The following MUC17 variants were observed in gnomAD, a reference collection of about 807,000 sequenced individuals.
MUC17 encodes mucin-17.
Under a neutral mutation model 170.3 loss-of-function variants are expected in MUC17, and 190 were observed. The observed-to-expected ratio is 1.12, with a 90% CI of 0.99 to 1.26. The LOEUF (loss-of-function observed/expected upper bound fraction) is 1.26, where lower values mean the gene tolerates loss of function less well. MUC17 is among the 50% of genes most tolerant of loss of function. The pLI is 0.00. For synonymous variants in MUC17, 2,325 were observed against 2,002.5 expected, an observed-to-expected ratio of 1.16 and a Z score of -4.30; for missense variants, 6,415 against 5,530.0, an observed-to-expected ratio of 1.16 and a Z score of -5.08.
rs1396834686 is a variant in MUC17, at chr7:101,042,298, T to C, written c.10882T>C (p.Ser3628Pro). The C allele has an allele frequency of 1.2e-6, 2 of 1,613,898 alleles. No homozygotes were observed. The highest frequency in any genetic ancestry group is 4.5e-5 in the East Asian group (2 of 44,856). Residue 3628 changes from serine to proline, a missense_variant, in exon 3 of 13, where the codon TCA (serine) becomes CCA (proline). By Grantham distance (74) the Ser-to-Pro change is moderately conservative. Coordinates refer to ENST00000306151, the MANE Select transcript of MUC17 (RefSeq NM_001040105.2). ...TPPEVITLPM[S>P]TPSEVSTPLT... ...TCCTGAAGTTATCACCCTGCCAATG[T>C]CAACTCCTAGTGAAGTAAGCACTCC...
chr7:101,033,765 A>G lies in MUC17; in HGVS notation c.2349A>G (p.Glu783=), dbSNP rs751500241. 16 of 1,613,980 alleles carry G rather than the reference A, an allele frequency of 9.9e-6. No homozygotes were observed. The African/African-American group carries it at 1.6e-4, about 16-fold the overall frequency. Residue 783 remains glutamate, a synonymous_variant, in exon 3 of 13, where the codon GAA becomes GAG. Coordinates refer to ENST00000306151, the MANE Select transcript of MUC17 (RefSeq NM_001040105.2). The part of the protein sequence containing the change: ...DTSTHITTST[E]ASCSPTTTEG... ...GCACACATATCACCACTTCTACTGAAGCCAGTTGCTCTCCTACAACCACTG... is the reference window on the plus strand; with the variant it reads ...GCACACATATCACCACTTCTACTGAGGCCAGTTGCTCTCCTACAACCACTG...
chr7:101,030,031 A>G (rs1419830684), intron 1 of MUC17, among the ~76,000 whole-genome samples: 1 of 152,204 alleles, frequency 6.6e-6, no homozygotes, highest in Non-Finnish European at 1.5e-5. Flanking sequence ...CCATAAATCT[A>G]ACAAATTAAA....
At chr7:101,029,951 A>G (rs965194787) in intron 1 of MUC17, among the ~76,000 whole-genome samples, 4 of 152,062 alleles carry the variant, frequency 2.6e-5, no homozygotes, top group Non-Finnish European at 5.9e-5. Flanking sequence ...GTGACTGTAC[A>G]TTGTATTTTC....
In MUC17 at chr7:101,048,123, C is replaced by T; in HGVS notation, c.12535+8C>T. The T allele has an allele frequency of 2.6e-6, 4 of 1,566,162 alleles. No homozygotes were observed. Among genetic ancestry groups the T allele is most frequent in the Non-Finnish European group, 2.6e-6 (3 of 1,156,654 alleles). ...TCAGCAGCATTGACATAGGTGAGTG[C>T]AACCCCAGGCCTTCCCCCACCCCAT... On this transcript the variant is annotated splice_region_variant and intron_variant, in intron 4 of 12. Coordinates refer to ENST00000306151, the MANE Select transcript of MUC17 (RefSeq NM_001040105.2).
chr7:101,056,759 C>T (rs1050553506), intron 12 of MUC17, among the ~76,000 whole-genome samples: 7 of 152,174 alleles, frequency 4.6e-5, no homozygotes, highest in African/African-American at 1.2e-4. Context: ...CCCAATACCA[C>T]GATTATATCC....
At chr7:101,046,265 C>G (rs1794838155) in intron 3 of MUC17, among the ~76,000 whole-genome samples, 1 of 152,174 alleles carries the variant, frequency 6.6e-6, no homozygotes, top group African/African-American at 2.4e-5. Context: ...AGAGGTGAGG[C>G]AGGTCTTTGC....
Position 101,043,836 on chromosome 7 carries a change from A to T in MUC17, c.12403+17A>T. 1 of 1,570,310 alleles carries T rather than the reference A, an allele frequency of 6.4e-7. No individual in the cohort carries two copies. Among genetic ancestry groups the T allele is most frequent in the Non-Finnish European group, 8.6e-7 (1 of 1,157,796 alleles). On this transcript the variant is annotated intron_variant, in intron 3 of 12. Coordinates refer to ENST00000306151, the MANE Select transcript of MUC17 (RefSeq NM_001040105.2). ...CCACAACATGTAAGTGATTTCTTGAATTTTCCTTTTTTTTAAAATTATACT... is the reference window on the plus strand; with the variant it reads ...CCACAACATGTAAGTGATTTCTTGATTTTTCCTTTTTTTTAAAATTATACT...
At position 101,039,204 on chromosome 7, in the gene MUC17, A is replaced by G. The variant is rs1211144840; in HGVS notation, c.7788A>G (p.Thr2596=). ...LASSEASTLS[T]TPVDTSIPVT... The stretch of plus-strand genomic sequence containing the variant: ...GTTCTGAGGCTAGCACTCTTTCAAC[A>G]ACTCCTGTTGACACCAGCATACCTG... Residue 2596 remains threonine (T), a synonymous_variant, in exon 3 of 13, where the codon ACA becomes ACG. Transcript: ENST00000306151. 1 of 1,613,582 alleles carries G rather than the reference A, an allele frequency of 6.2e-7. No individual in the cohort carries two copies. Among genetic ancestry groups the G allele is most frequent in the Non-Finnish European group, 8.5e-7 (1 of 1,179,718 alleles).
At chr7:101,031,009 C>G in intron 1 of MUC17, 111 bp from the exon 2 acceptor site, 1 of 1,312,290 alleles carries the variant, frequency 7.6e-7, no homozygotes, top group Non-Finnish European at 1.0e-6. Flanking sequence ...AATCAGCAGG[C>G]TGGTTCAGGG....
intron 1 of MUC17, among the ~76,000 whole-genome samples, chr7:101,025,845 C>G (rs1260177006): frequency 1.3e-5 from 2 of 151,144 alleles, no homozygotes; most frequent in Non-Finnish European, 2.9e-5. Context: ...GTAGTCCCAG[C>G]TACTTGGGAG....
chr7:101,051,705 G>C (rs750450643), intron 8 of MUC17, 24 bp downstream of exon 8: 21 of 1,609,506 alleles, frequency 1.3e-5, no homozygotes, highest in Admixed American at 3.4e-5. Context: ...CAAGGGGTTT[G>C]GGGGAAGGCT....
chr7:101,037,532 C>G lies in MUC17; in HGVS notation c.6116C>G (p.Pro2039Arg), dbSNP rs370125112. 1 of 1,613,606 alleles carries G rather than the reference C, an allele frequency of 6.2e-7. No individual in the cohort carries two copies. The highest frequency in any genetic ancestry group is 1.3e-5 in the African/African-American group (1 of 74,812). The change falls in exon 3 of 13, where the codon CCT (proline) becomes CGT (arginine). Residue 2039 changes from proline to arginine, a missense_variant. Pro to Arg is a moderately radical substitution (Grantham distance 103). Transcript: ENST00000306151. ...AGGTSIQTST[P>R]SERTTPLAGM... ...GGTACCAGCATACAAACCTCAACTC[C>G]TAGTGAACGGACCACTCCATTAGCA...
chr7:101,034,249 T>G lies in MUC17; in HGVS notation c.2833T>G (p.Ser945Ala). 1 of 1,602,002 alleles carries G rather than the reference T, an allele frequency of 6.2e-7. No homozygotes were observed. The highest frequency in any genetic ancestry group is 1.1e-5 in the South Asian group (1 of 89,368). Residue 945 changes from serine (S) to alanine (A), a missense_variant, in exon 3 of 13, where the codon TCA becomes GCA. Physicochemically the swap from Ser to Ala is moderately conservative, Grantham distance 99. Coordinates refer to ENST00000306151, the MANE Select transcript of MUC17 (RefSeq NM_001040105.2). ...PVVSSEARTL[S>A]ATPVDTSTPV... ...AGTCAGTTCTGAGGCTAGAACACTTTCAGCAACTCCTGTTGACACCAGCAC... is the reference window on the plus strand; with the variant it reads ...AGTCAGTTCTGAGGCTAGAACACTTGCAGCAACTCCTGTTGACACCAGCAC...
intron 7 of MUC17, 146 bp downstream of exon 7, chr7:101,050,781 C>T (rs992161011): frequency 1.6e-5 from 19 of 1,221,098 alleles, no homozygotes; most frequent in East Asian, 7.8e-5. Context: ...GGGGTTGCAG[C>T]GCAAAGAAGC....
chr7:101,040,877 T>C lies in MUC17; in HGVS notation c.9461T>C (p.Met3154Thr). ...SSPTTSEGTSMPTSTPSEGST... is the reference protein window; with the variant it reads ...SSPTTSEGTSTPTSTPSEGST... ...CCTACAACTTCTGAAGGTACCAGCA[T>C]GCCAACCTCAACTCCTAGTGAAGGA... is the stretch of plus-strand genomic sequence containing the variant. Residue 3154 changes from methionine to threonine, a missense_variant, in exon 3 of 13, where the codon ATG (methionine) becomes ACG (threonine). Coordinates refer to ENST00000306151, the MANE Select transcript of MUC17 (RefSeq NM_001040105.2). 6.2e-7 allele frequency: 1 copy of C among 1,613,734 alleles called. No individual in the cohort carries two copies. The highest frequency in any genetic ancestry group is 1.1e-5 in the South Asian group (1 of 91,040).
At position 101,032,662 on chromosome 7, in the gene MUC17, A is replaced by T; in HGVS notation, c.1246A>T (p.Ile416Phe). The T allele has an allele frequency of 6.4e-7, 1 of 1,573,860 alleles. No homozygotes were observed. The highest frequency in any genetic ancestry group is 8.7e-7 in the Non-Finnish European group (1 of 1,152,866). Residue 416 changes from isoleucine (I) to phenylalanine (F), a missense_variant, in exon 3 of 13, where the codon ATT (isoleucine) becomes TTT (phenylalanine). Transcript: ENST00000306151. ...ASSEASTTST[I>F]PVDSKTFVTT... ...TTCTGAGGCTAGCACCACTTCAACA[A>T]TTCCTGTTGACTCCAAAACTTTTGT...
At chr7:101,045,583 G>T (rs1048703970) in intron 3 of MUC17, among the ~76,000 whole-genome samples, 1 of 152,044 alleles carries the variant, frequency 6.6e-6, no homozygotes, top group African/African-American at 2.4e-5. Flanking sequence ...AGTAGAGACA[G>T]GGTTTCACCA....
chr7:101,021,923 G>A lies in MUC17; in HGVS notation c.82+1706G>A, dbSNP rs144822939. On this transcript the variant is annotated intron_variant, in intron 1 of 12. Coordinates refer to ENST00000306151, the MANE Select transcript of MUC17 (RefSeq NM_001040105.2). Reference sequence around the variant, plus strand: ...CCCAGCAGACACACCCTCTCATCCTGCAGATCACCTGGTTATATTGCTTGT... The same window carrying A: ...CCCAGCAGACACACCCTCTCATCCTACAGATCACCTGGTTATATTGCTTGT... Among the ~76,000 whole-genome samples, 1,051 of 152,262 alleles carry A rather than the reference G, an allele frequency of 6.9e-3. 12 individuals are homozygous for A. Among genetic ancestry groups the A allele is most frequent in the African/African-American group, 0.023 (972 of 41,544 alleles).
rs1794216308 is a variant in MUC17, at chr7:101,028,255, T to A, written c.83-2865T>A. On this transcript the variant is annotated intron_variant, in intron 1 of 12. Transcript: ENST00000306151. ...ACAGGTGTATGCCATCACACCCAGC[T>A]AATTTTTGTATTTTTAGTAGAGACA... Among the ~76,000 whole-genome samples the A allele has an allele frequency of 2.0e-5, 3 of 151,682 alleles. No homozygotes were observed. The East Asian group carries it at 5.9e-4, about 30-fold the overall frequency.
Sources: gnomAD v4.1 joint callset for allele counts (sites outside exome capture counted in the v4.1 genomes callset) on GRCh38, gnomAD v4.1.1 for gene constraint, MANE v1.5 for transcripts, NCBI Gene and HGNC (gene_info 2026-07-23, HGNC 2026-07-21) for gene names.